Variants in CHODL observed in about 807,000 individuals in gnomAD.
The protein encoded by CHODL is chondrolectin, also known as transmembrane protein MT75.
In CHODL, 29 loss-of-function variants were observed where a neutral mutation model predicts 34.5. That is an observed-to-expected ratio of 0.84 (90% CI 0.63 to 1.15). The LOEUF (loss-of-function observed/expected upper bound fraction) is 1.15. Among genes scored for constraint, CHODL ranks in the 50% most tolerant of loss-of-function variants. CHODL has a pLI of 0.00. For missense variants in CHODL, 332 were observed against 332.5 expected (o/e 1.00, Z 0.01); for synonymous variants, 125 against 116.1 (o/e 1.08, Z -0.49).
At chr21:18,060,084 T>TC (rs1392303996) in intron 2 of CHODL, among the ~76,000 whole-genome samples, 3 of 152,022 alleles carry the variant, frequency 2.0e-5, no homozygotes, top group East Asian at 1.9e-4. Flanking sequence ...GATGTGGAAG[T>TC]CCCCCCACTG....
intron 2 of CHODL, among the ~76,000 whole-genome samples, chr21:18,167,211 C>CTGTGTG (rs71329776): frequency 0.015 from 1,338 of 88,088 alleles, 8 homozygotes; most frequent in Middle Eastern, 0.03. Context: ...TTCTCTCTCT[C>CTGTGTG]TGTGTGTGTG....
rs144926739 is a variant in CHODL at position 18,181,107 on chromosome 21, AT to A, written c.-44-75400del. Among the ~76,000 whole-genome samples, 828 of 152,282 alleles carry A rather than the reference AT, an allele frequency of 5.4e-3. 16 individuals carry two copies. The highest frequency in any genetic ancestry group is 0.054 in the East Asian group (279 of 5,178). On this transcript the variant is annotated intron_variant, in intron 2 of 6. Coordinates refer to the CHODL transcript ENST00000400127. ...ACTTGTTATTATTTCTTTTATTCCT[AT>A]TCCTATTTATTCTCAGGTAGGGTGA...
At chr21:17,927,155 T>TATGTATAA (rs2063234458) in intron 1 of CHODL, among the ~76,000 whole-genome samples, 1 of 59,200 alleles carries the variant, frequency 1.7e-5, no homozygotes, top group African/African-American at 4.9e-5. Flanking sequence ...TATATGTATA[T>TATGTATAA]ATATGTATAT....
chr21:18,229,403 G>A (rs2073959333), intron 2 of CHODL, among the ~76,000 whole-genome samples: 2 of 152,114 alleles, frequency 1.3e-5, no homozygotes, highest in South Asian at 2.1e-4. Context: ...AGGTGTGTTC[G>A]ATATATCTGG....
At chr21:18,248,763 TTATA>T (rs1311034401) in intron 1 of CHODL, among the ~76,000 whole-genome samples, 1 of 122,454 alleles carries the variant, frequency 8.2e-6, no homozygotes, top group East Asian at 2.2e-4. Flanking sequence ...TGTATATATG[TTATA>T]TATAATATAT....
At chr21:18,215,745 G>A (rs936306831) in intron 2 of CHODL, among the ~76,000 whole-genome samples, 4 of 152,104 alleles carry the variant, frequency 2.6e-5, no homozygotes, top group African/African-American at 9.7e-5. Flanking sequence ...GTTGGTTCTG[G>A]AATTTGGAGC....
intron 1 of CHODL, among the ~76,000 whole-genome samples, chr21:17,992,173 A>G (rs1338950694): frequency 6.6e-6 from 1 of 152,054 alleles, no homozygotes; most frequent in Non-Finnish European, 1.5e-5. Context: ...ATTATTTTCC[A>G]TTGGCCTATA....
intron 1 of CHODL, among the ~76,000 whole-genome samples, chr21:17,925,048 G>T (rs2063212316): frequency 6.6e-6 from 1 of 152,186 alleles, no homozygotes; most frequent in Non-Finnish European, 1.5e-5. Flanking sequence ...GGAAGTTTAG[G>T]TTAAAGAGTG....
At chr21:17,920,895 G>A (rs1165614087) in intron 1 of CHODL, among the ~76,000 whole-genome samples, 1 of 152,140 alleles carries the variant, frequency 6.6e-6, no homozygotes, top group Non-Finnish European at 1.5e-5. Flanking sequence ...TTAATACAGG[G>A]AAGTTATATG....
At chr21:18,196,065 C>T (rs1352462417) in intron 2 of CHODL, among the ~76,000 whole-genome samples, 1 of 152,052 alleles carries the variant, frequency 6.6e-6, no homozygotes, top group Non-Finnish European at 1.5e-5. Context: ...AGAATTATGT[C>T]CAAGGTGCTT....
intron 1 of CHODL, among the ~76,000 whole-genome samples, chr21:17,929,144 C>A (rs552563978): frequency 6.6e-6 from 1 of 152,224 alleles, no homozygotes; most frequent in East Asian, 1.9e-4. Context: ...GAAACAATTT[C>A]TTTTTTTATC....
chr21:18,116,969 A>G (rs999300650), intron 2 of CHODL, among the ~76,000 whole-genome samples: 4 of 152,194 alleles, frequency 2.6e-5, no homozygotes, highest in African/African-American at 9.6e-5. Context: ...ATTTTTGTAG[A>G]TAGCCAGAGC....
chr21:17,977,353 T>A (rs1226639818), intron 1 of CHODL, among the ~76,000 whole-genome samples: 2 of 147,996 alleles, frequency 1.4e-5, no homozygotes, highest in Non-Finnish European at 3.0e-5. Flanking sequence ...AAGGTGTTGT[T>A]GGCTGTTTTA....
intron 2 of CHODL, among the ~76,000 whole-genome samples, chr21:18,074,636 A>T (rs1352087905): frequency 4.6e-5 from 7 of 152,136 alleles, no homozygotes; most frequent in Non-Finnish European, 5.9e-5. Flanking sequence ...TATGTTTAAA[A>T]TTTCCCCTAA....
rs144441078 is a variant in CHODL, at chr21:17,923,474, T to G, written c.-145+6074T>G. ...CCCTAATTCTTCAGTTTTTTTTTTTTTTTTTGAGACGAAGTCTCGCATTGT... is the reference window on the plus strand; with the variant it reads ...CCCTAATTCTTCAGTTTTTTTTTTTGTTTTTGAGACGAAGTCTCGCATTGT... On this transcript the variant is annotated intron_variant, in intron 1 of 6. Coordinates refer to the CHODL transcript ENST00000400127. 4.9e-3 allele frequency among the ~76,000 whole-genome samples: 739 copies of G among 151,488 alleles called. 8 individuals carry two copies. Among genetic ancestry groups the G allele is most frequent in the African/African-American group, 0.017 (685 of 41,356 alleles).
intron 1 of CHODL, among the ~76,000 whole-genome samples, chr21:17,926,954 TAGAA>T (rs544022266): frequency 5.6e-4 from 85 of 151,774 alleles, no homozygotes; most frequent in Non-Finnish European, 9.3e-4. Context: ...CTATCCTAGG[TAGAA>T]AGACCTTTTA....
rs190432611 is a variant in CHODL at position 17,919,112 on chromosome 21, T to C, written c.-145+1712T>C. ...GCTGCCTTCATGGGCTGGTGTTGAG[T>C]GTCTGCGGCTTTTACAGGTGCGCAG... is the stretch of plus-strand genomic sequence containing the variant. On this transcript the variant is annotated intron_variant, in intron 1 of 6. Coordinates refer to the CHODL transcript ENST00000400127. Among the ~76,000 whole-genome samples, 461 of 152,262 alleles carry C rather than the reference T, an allele frequency of 3.0e-3. 10 individuals are homozygous for C. The highest frequency in any genetic ancestry group is 0.029 in the Admixed American group (437 of 15,298).
At chr21:18,028,273 TTTCCCCTTCCTTCC>T (rs1270674919) in intron 2 of CHODL, among the ~76,000 whole-genome samples, 1,266 of 67,606 alleles carry the variant, frequency 0.019, 111 homozygotes, top group Admixed American at 0.11. Flanking sequence ...TCTTTTTCCT[TTTCCCCTTCCTTCC>T]TTCCTTCCTT....
intron 2 of CHODL, among the ~76,000 whole-genome samples, chr21:18,158,513 A>G (rs907999746): frequency 1.3e-5 from 2 of 152,168 alleles, no homozygotes; most frequent in Non-Finnish European, 2.9e-5. Context: ...TATTCTTAAG[A>G]AATATTATTG....
Sources: allele counts gnomAD v4.1 joint callset (sites outside exome capture counted in the v4.1 genomes callset), GRCh38; gene constraint gnomAD v4.1.1; transcripts MANE v1.5; gene names NCBI Gene and HGNC (gene_info 2026-07-23, HGNC 2026-07-21).